Variants in TBXT observed in about 807,000 individuals in gnomAD.
TBXT encodes T-box transcription factor T.
A neutral mutation model predicts 41.1 loss-of-function variants in TBXT; 19 were observed. The ratio of observed to expected loss-of-function variants is 0.46; its 90% CI spans 0.32 to 0.68. The LOEUF is 0.68. Among genes scored for constraint, TBXT ranks in the 30% least tolerant of loss-of-function variants. TBXT has a pLI of 0.03. For synonymous variants in TBXT, 213 were observed against 238.9 expected (o/e 0.89, Z 1.00); for missense variants, 536 against 582.0 (o/e 0.92, Z 0.81).
In TBXT at chr6:166,162,381, A is replaced by C. The variant is rs1778984225; in HGVS notation, c.907+66T>G. ...TTTTTAGATTCTAGACTCCTGCAGA[A>C]TGCCTTTCCCAAAGTGGTCTTGCAG... On this transcript the variant is annotated intron_variant, in intron 6 of 7. Transcript: ENST00000366876. 10 of 1,575,792 alleles carry C rather than the reference A, an allele frequency of 6.3e-6. No individual in the cohort carries two copies. The East Asian group carries it at 2.2e-4, about 35-fold the overall frequency.
Position 166,167,390 on chromosome 6 carries a change from C to G in TBXT, c.202G>C (p.Gly68Arg). 1 of 1,612,954 alleles carries G rather than the reference C, an allele frequency of 6.2e-7. No individual in the cohort carries two copies. The highest frequency in any genetic ancestry group is 8.5e-7 in the Non-Finnish European group (1 of 1,179,906). The change falls in exon 1 of 8, where the codon GGC becomes CGC. Residue 68 changes from glycine (G) to arginine (R), a missense_variant. By Grantham distance (125) the Gly-to-Arg change is moderately radical. Coordinates refer to ENST00000366876, the MANE Select transcript of TBXT (RefSeq NM_001366285.2). ...GGGCTCCGGACGCGCACCCACCTGCCGTTCTTGGTCACGATCATCTCATTG... is the reference window on the plus strand; with the variant it reads ...GGGCTCCGGACGCGCACCCACCTGCGGTTCTTGGTCACGATCATCTCATTG... ...LTNEMIVTKN[G>R]RRMFPVLKVN...
intron 5 of TBXT, among the ~76,000 whole-genome samples, chr6:166,164,342 G>T (rs1779046624): frequency 6.6e-6 from 1 of 152,192 alleles, no homozygotes; most frequent in South Asian, 2.1e-4. Flanking sequence ...AGGTCTCAAT[G>T]ATCCACCCCA....
At chr6:166,165,608 T>A (rs936442897) in intron 3 of TBXT, 98 bp downstream of exon 3, 18 of 1,590,648 alleles carry the variant, frequency 1.1e-5, no homozygotes, top group African/African-American at 1.3e-5. Flanking sequence ...TTCCTCTCAG[T>A]GCGGGTTAGC....
At chr6:166,158,838 T>C (rs892093538) in intron 7 of TBXT, among the ~76,000 whole-genome samples, 5 of 152,212 alleles carry the variant, frequency 3.3e-5, no homozygotes, top group Admixed American at 3.3e-4. Context: ...TATTCACATA[T>C]TCAGAGCTCA....
At position 166,167,567 on chromosome 6, in the gene TBXT, C is replaced by A; in HGVS notation, c.25G>T (p.Ala9Ser). The A allele has an allele frequency of 6.3e-7, 1 of 1,575,764 alleles. No homozygotes were observed. The highest frequency in any genetic ancestry group is 8.6e-7 in the Non-Finnish European group (1 of 1,166,576). MSSPGTESAGKSLQYRVDH... is the reference protein window; with the variant it reads MSSPGTESSGKSLQYRVDH... ...ACTCGGTACTGCAGGCTCTTTCCCG[C>A]GCTCTCGGTGCCAGGGGAGCTCATC... The change falls in exon 1 of 8, where the codon GCG (alanine) becomes TCG (serine). Residue 9 changes from alanine (A) to serine (S), a missense_variant. Transcript: ENST00000366876.
Position 166,166,750 on chromosome 6 carries a change from C to T in TBXT, c.313G>A (p.Val105Met), listed in dbSNP as rs1276257251. 1.9e-6 allele frequency: 3 copies of T among 1,613,820 alleles called. No homozygotes were observed. The highest frequency in any genetic ancestry group is 1.7e-6 in the Non-Finnish European group (2 of 1,180,044). The change falls in exon 2 of 8, where the codon GTG becomes ATG. Residue 105 changes from valine (V) to methionine (M), a missense_variant. Physicochemically the swap from Val to Met is conservative, Grantham distance 21. Transcript: ENST00000366876. ...VAADNHRWKYVNGEWVPGGKP... is the reference protein window; with the variant it reads ...VAADNHRWKYMNGEWVPGGKP... ...CCCCCCGGCACCCATTCCCCGTTCA[C>T]GTACTTCCAGCGGTGGTTGTCCGCC...
At position 166,165,773 on chromosome 6, in the gene TBXT, C is replaced by T. The variant is rs758269436; in HGVS notation, c.539G>A (p.Arg180His). Residue 180 changes from arginine to histidine, a missense_variant, in exon 3 of 8, where the codon CGC becomes CAC. Physicochemically the swap from Arg to His is conservative, Grantham distance 29 (BLOSUM62 0). Coordinates refer to ENST00000366876, the MANE Select transcript of TBXT (RefSeq NM_001366285.2). The stretch of plus-strand genomic sequence containing the variant: ...AGGGAAGCAGTGGCTGGTGATCATG[C>T]GCTGTGGACCCCCAACTCTCACTAT... ...IHIVRVGGPQRMITSHCFPET... is the reference protein window; with the variant it reads ...IHIVRVGGPQHMITSHCFPET... 9 of 1,614,176 alleles carry T rather than the reference C, an allele frequency of 5.6e-6. No homozygotes were observed. The South Asian group carries it at 7.7e-5, about 14-fold the overall frequency.
chr6:166,159,318 C>G (rs1470642250), intron 7 of TBXT, among the ~76,000 whole-genome samples: 1 of 152,160 alleles, frequency 6.6e-6, no homozygotes, highest in Non-Finnish European at 1.5e-5. Context: ...CCACCCCCAC[C>G]ACCGCAGTGA....
chr6:166,166,539 C>T, intron 2 of TBXT, 53 bp downstream of exon 2: 2 of 1,611,910 alleles, frequency 1.2e-6, no homozygotes, highest in East Asian at 4.5e-5. Flanking sequence ...GCAGAAGGCG[C>T]AGCGCGGCCC....
Position 166,167,517 on chromosome 6 carries a change from C to T in TBXT, c.75G>A (p.Glu25=), listed in dbSNP as rs1180620109. The T allele has an allele frequency of 6.2e-7, 1 of 1,604,846 alleles. No individual in the cohort carries two copies. The highest frequency in any genetic ancestry group is 1.1e-5 in the South Asian group (1 of 90,686). The change falls in exon 1 of 8, where the codon GAG becomes GAA. Residue 25 remains glutamate, a synonymous_variant. Transcript: ENST00000366876. ...YRVDHLLSAV[E]NELQAGSEKG... ...TCTCGCTGCCCGCCTGCAGCTCATT[C>T]TCCACGGCGCTCAGCAGGTGGTCCA... is the stretch of plus-strand genomic sequence containing the variant.
In TBXT at chr6:166,166,648, C is replaced by G. The variant is rs766618894; in HGVS notation, c.415G>C (p.Ala139Pro). 1 of 1,613,972 alleles carries G rather than the reference C, an allele frequency of 6.2e-7. No homozygotes were observed. The highest frequency in any genetic ancestry group is 8.5e-7 in the Non-Finnish European group (1 of 1,180,040). ...SPNFGAHWMK[A>P]PVSFSKVKLT... is the part of the protein sequence containing the mutation. ...TTGACTTTGCTGAAGGAGACGGGAG[C>G]CTTCATCCAGTGGGCCCCGAAGTTG... The change falls in exon 2 of 8, where the codon GCT (alanine) becomes CCT (proline). Residue 139 changes from alanine to proline, a missense_variant. Coordinates refer to ENST00000366876, the MANE Select transcript of TBXT (RefSeq NM_001366285.2).
chr6:166,166,906 G>A (rs772941326), intron 1 of TBXT, 50 bp from the exon 2 acceptor site: 2 of 1,611,124 alleles, frequency 1.2e-6, no homozygotes, highest in Admixed American at 3.3e-5. Flanking sequence ...GACCAGGTAG[G>A]CCGGAGGCAG....
chr6:166,161,712 G>T (rs1017629062), intron 6 of TBXT, among the ~76,000 whole-genome samples: 3 of 151,570 alleles, frequency 2.0e-5, no homozygotes, highest in Admixed American at 6.6e-5. Context: ...CACGAGGTCA[G>T]AAGATCGAGA....
intron 5 of TBXT, among the ~76,000 whole-genome samples, chr6:166,164,385 A>G (rs1779049154): frequency 6.6e-6 from 1 of 152,200 alleles, no homozygotes; most frequent in Non-Finnish European, 1.5e-5. Context: ...GGCAAAACAA[A>G]AGCACCCAGG....
intron 7 of TBXT, among the ~76,000 whole-genome samples, chr6:166,160,455 T>A (rs1778919921): frequency 1.3e-5 from 2 of 152,110 alleles, no homozygotes; most frequent in South Asian, 4.1e-4. Context: ...GCTGGGTTAT[T>A]TTTTTACCAC....
intron 7 of TBXT, among the ~76,000 whole-genome samples, chr6:166,158,894 C>A (rs543858399): frequency 6.6e-6 from 1 of 152,330 alleles, no homozygotes; most frequent in East Asian, 1.9e-4. Context: ...CATACCAGGC[C>A]AGCCGCAGTG....
intron 5 of TBXT, among the ~76,000 whole-genome samples, chr6:166,164,397 G>T (rs984685195): frequency 6.6e-6 from 1 of 152,208 alleles, no homozygotes. Context: ...GCACCCAGGA[G>T]AGTATCCACA....
intron 2 of TBXT, 51 bp downstream of exon 2, chr6:166,166,541 G>C: frequency 6.2e-7 from 1 of 1,612,022 alleles, no homozygotes; most frequent in Non-Finnish European, 8.5e-7. Context: ...AGAAGGCGCA[G>C]CGCGGCCCCC....
At chr6:166,160,286 A>C (rs1281122066) in intron 7 of TBXT, among the ~76,000 whole-genome samples, 1 of 152,216 alleles carries the variant, frequency 6.6e-6, no homozygotes, top group African/African-American at 2.4e-5. Flanking sequence ...ATTGTTTACC[A>C]GTTACCTAGC....
Sources: allele counts gnomAD v4.1 joint callset (sites outside exome capture counted in the v4.1 genomes callset), GRCh38; gene constraint gnomAD v4.1.1; transcripts MANE v1.5; gene names NCBI Gene and HGNC (gene_info 2026-07-23, HGNC 2026-07-21).